The following CNTNAP3B variants were observed in gnomAD, a reference collection of about 807,000 sequenced individuals.
CNTNAP3B encodes contactin associated protein family member 3B, also known as contactin-associated protein-like 3B.
In CNTNAP3B, 25 loss-of-function variants were observed where a neutral mutation model predicts 108.9. That is an observed-to-expected ratio of 0.23 (90% CI 0.17 to 0.32). The LOEUF (loss-of-function observed/expected upper bound fraction) is 0.32. Among genes scored for constraint, CNTNAP3B ranks in the 10% least tolerant of loss-of-function variants. The pLI, the probability that CNTNAP3B is intolerant of heterozygous loss-of-function variation, is 1.00. For missense variants in CNTNAP3B, 252 were observed against 1,210.4 expected, an observed-to-expected ratio of 0.21 and a Z score of 11.75; for synonymous variants, 103 against 473.4, an observed-to-expected ratio of 0.22 and a Z score of 10.16.
chr9:41,924,275 G>A (rs1276168402), intron 15 of CNTNAP3B, among the ~76,000 whole-genome samples, 182 bp from the exon 16 acceptor site: 87 of 151,974 alleles, frequency 5.7e-4, no homozygotes, highest in African/African-American at 2.0e-3. Context: ...TGGTGATTAC[G>A]CTGAGGATTG....
At position 42,126,748 on chromosome 9, in the gene CNTNAP3B, T is replaced by G. The variant is rs1290276512; in HGVS notation, c.85+2262A>C. 1.5e-5 allele frequency among the ~76,000 whole-genome samples: 2 copies of G among 136,000 alleles called. 1 individual carries two copies. The highest frequency in any genetic ancestry group is 4.5e-4 in the East Asian group (2 of 4,454). 89.2% of individuals were successfully genotyped at this position (136,000 alleles called of 152,430 possible). On this transcript the variant is annotated intron_variant, in intron 1 of 23. Transcript: ENST00000377561. ...CCACGCCCGGCTAATTTTTGTATTT[T>G]TAGTAGAGACAGGGTTTCACCATGG...
chr9:41,950,568 G>C (rs1824644296), intron 13 of CNTNAP3B, among the ~76,000 whole-genome samples: 1 of 136,282 alleles, frequency 7.3e-6, no homozygotes, highest in Non-Finnish European at 1.6e-5. Flanking sequence ...ACAAATTACT[G>C]ATATACACAA....
rs1197039021 is a variant in CNTNAP3B, at chr9:42,120,773, G to A, written c.85+8237C>T. Among the ~76,000 whole-genome samples the A allele has an allele frequency of 3.4e-4, 39 of 115,630 alleles. 6 individuals carry two copies. The highest frequency in any genetic ancestry group is 6.3e-4 in the Non-Finnish European group (37 of 59,192). The allele number at this position is 115,630 out of a possible 152,430, so 75.9% of individuals were successfully genotyped here. A position where few individuals can be genotyped will look rare whatever the true frequency, so the allele number is the denominator to read the frequency against. Reference sequence around the variant, plus strand: ...CACTCATAGGTGGGAACTGAACAGCGAGAACACATGGACACAGGAAGGGGA... The same window carrying A: ...CACTCATAGGTGGGAACTGAACAGCAAGAACACATGGACACAGGAAGGGGA... On this transcript the variant is annotated intron_variant, in intron 1 of 23. Transcript: ENST00000377561.
intron 3 of CNTNAP3B, among the ~76,000 whole-genome samples, chr9:42,044,376 T>C (rs1306694083): frequency 6.6e-6 from 1 of 150,482 alleles, no homozygotes; most frequent in Non-Finnish European, 1.5e-5. Flanking sequence ...TCTCTCAAGG[T>C]ATCACCTCCA....
chr9:41,973,681 G>A (rs1376442849), intron 9 of CNTNAP3B, among the ~76,000 whole-genome samples: 2 of 138,278 alleles, frequency 1.4e-5, no homozygotes, highest in Non-Finnish European at 3.1e-5. Context: ...TCTATTTCAG[G>A]CATGAATGCA....
rs185147382 is a variant in CNTNAP3B at position 42,088,413 on chromosome 9, T to A, written c.197-11351A>T. 1.4e-3 allele frequency among the ~76,000 whole-genome samples: 202 copies of A among 139,354 alleles called. 28 individuals carry two copies. The highest frequency in any genetic ancestry group is 2.2e-3 in the Non-Finnish European group (140 of 64,942). 91.4% of individuals were successfully genotyped at this position (139,354 alleles called of 152,430 possible). ...TTCTCATGTCTAATCTATATTAACA[T>A]CCTTATGAATATTTTGTTTGTTTGA... is the stretch of plus-strand genomic sequence containing the variant. On this transcript the variant is annotated intron_variant, in intron 2 of 23. Transcript: ENST00000377561.
intron 12 of CNTNAP3B, among the ~76,000 whole-genome samples, chr9:41,958,580 G>A (rs1693080): frequency 2.2e-4 from 34 of 151,836 alleles, no homozygotes; most frequent in African/African-American, 8.2e-4. Context: ...TAGGGAGCCT[G>A]TGCCTCTGGG....
intron 13 of CNTNAP3B, among the ~76,000 whole-genome samples, chr9:41,948,133 C>G (rs1169691982): frequency 6.7e-6 from 1 of 148,896 alleles, no homozygotes; most frequent in African/African-American, 2.5e-5. Context: ...GTTCTGTTGT[C>G]CAGGCTGGAG....
At chr9:41,967,488 G>T (rs1825316766) in intron 10 of CNTNAP3B, among the ~76,000 whole-genome samples, 1 of 152,206 alleles carries the variant, frequency 6.6e-6, no homozygotes, top group Admixed American at 6.5e-5. Flanking sequence ...ACCCAGTCTT[G>T]GGTATATCTT....
At chr9:41,920,731 T>C (rs1295525946) in intron 17 of CNTNAP3B, among the ~76,000 whole-genome samples, 21 of 152,296 alleles carry the variant, frequency 1.4e-4, no homozygotes, top group Non-Finnish European at 2.6e-4. Context: ...TGGTTAGGTA[T>C]GAACTTCCAA....
At chr9:41,929,747 T>G in intron 14 of CNTNAP3B, among the ~76,000 whole-genome samples, 1 of 131,738 alleles carries the variant, frequency 7.6e-6, no homozygotes, top group Non-Finnish European at 1.6e-5. Context: ...AATAAAAATT[T>G]TTGGATATGA....
chr9:42,086,213 A>T (rs1179818228), intron 2 of CNTNAP3B, among the ~76,000 whole-genome samples: 1 of 142,734 alleles, frequency 7.0e-6, no homozygotes, highest in East Asian at 2.1e-4. Flanking sequence ...TGTGAGATTG[A>T]TTCTCAACTA....
At chr9:41,957,779 G>T (rs1490827047) in intron 12 of CNTNAP3B, among the ~76,000 whole-genome samples, 1 of 152,232 alleles carries the variant, frequency 6.6e-6, no homozygotes, top group Non-Finnish European at 1.5e-5. Context: ...TGGTTTTTTT[G>T]AGACAAAATC....
intron 13 of CNTNAP3B, among the ~76,000 whole-genome samples, chr9:41,942,968 G>GTAT (rs1292246789): frequency 6.6e-6 from 1 of 152,244 alleles, no homozygotes; most frequent in Non-Finnish European, 1.5e-5. Context: ...AAATTGCAAG[G>GTAT]TATGCTAAAG....
At chr9:41,924,884 G>A (rs1488358453) in intron 15 of CNTNAP3B, among the ~76,000 whole-genome samples, 4 of 152,258 alleles carry the variant, frequency 2.6e-5, no homozygotes, top group African/African-American at 4.8e-5. Flanking sequence ...TTTTTCAGTT[G>A]ACTTTCAGAA....
chr9:41,947,321 TA>T (rs1292803165), intron 13 of CNTNAP3B, among the ~76,000 whole-genome samples: 2 of 152,226 alleles, frequency 1.3e-5, no homozygotes, highest in Non-Finnish European at 2.9e-5. Flanking sequence ...GTATATTCTC[TA>T]AGCATAATGG....
intron 18 of CNTNAP3B, among the ~76,000 whole-genome samples, chr9:41,915,943 T>C (rs1298490511): frequency 6.6e-6 from 1 of 151,616 alleles, no homozygotes; most frequent in Non-Finnish European, 1.5e-5. Flanking sequence ...ATAATCTGCT[T>C]CAGGTTTACA....
intron 13 of CNTNAP3B, among the ~76,000 whole-genome samples, chr9:41,940,371 G>C (rs1476023273): frequency 1.3e-5 from 2 of 152,280 alleles, no homozygotes; most frequent in Non-Finnish European, 2.9e-5. Context: ...TTACCTGCCT[G>C]TAAAAGAACC....
At chr9:41,935,541 T>C (rs1445819017) in intron 14 of CNTNAP3B, among the ~76,000 whole-genome samples, 3 of 152,298 alleles carry the variant, frequency 2.0e-5, no homozygotes, top group Non-Finnish European at 2.9e-5. Flanking sequence ...TTCATGAGAC[T>C]GGTAAATTCC....
Sources: allele counts gnomAD v4.1 joint callset (sites outside exome capture counted in the v4.1 genomes callset), GRCh38; gene constraint gnomAD v4.1.1; transcripts MANE v1.5; gene names NCBI Gene and HGNC (gene_info 2026-07-23, HGNC 2026-07-21).